The following MTUS1 variants were observed in gnomAD, a reference collection of about 807,000 sequenced individuals.
MTUS1 encodes microtubule-associated tumor suppressor 1.
In MTUS1, 109 loss-of-function variants were observed where a neutral mutation model predicts 120.8. The ratio of observed to expected loss-of-function variants is 0.90; its 90% CI spans 0.77 to 1.06. The LOEUF is 1.06. MTUS1 is among the 50% of genes least tolerant of loss of function. MTUS1 has a pLI of 0.00. For missense variants in MTUS1, 2,210 were observed against 1,486.3 expected, an observed-to-expected ratio of 1.49 and a Z score of -8.01; for synonymous variants, 737 against 550.5, an observed-to-expected ratio of 1.34 and a Z score of -4.74.
chr8:17,656,143 G>C, intron 8 of MTUS1, 78 bp from the exon 9 acceptor site: 1 of 1,294,876 alleles, frequency 7.7e-7, no homozygotes. Flanking sequence ...GTCACACACA[G>C]CTGTGATGAC....
At chr8:17,725,841 C>A (rs897702914) in intron 3 of MTUS1, among the ~76,000 whole-genome samples, 1 of 152,186 alleles carries the variant, frequency 6.6e-6, no homozygotes, top group Admixed American at 6.5e-5. Context: ...CAAGACAATT[C>A]TTCTTCTTCC....
chr8:17,715,030 T>G (rs1321724468), intron 5 of MTUS1, among the ~76,000 whole-genome samples: 2 of 147,884 alleles, frequency 1.4e-5, no homozygotes, highest in African/African-American at 5.0e-5. Flanking sequence ...CTCAGCCTCA[T>G]GAGTAGCTGG....
intron 2 of MTUS1, among the ~76,000 whole-genome samples, chr8:17,752,881 C>T (rs1262847456): frequency 6.6e-6 from 1 of 152,172 alleles, no homozygotes; most frequent in Non-Finnish European, 1.5e-5. Context: ...GCCCAACGAC[C>T]AACAGTGGCC....
At chr8:17,774,432 C>G (rs115973965) in intron 1 of MTUS1, among the ~76,000 whole-genome samples, 64 of 152,308 alleles carry the variant, frequency 4.2e-4, no homozygotes, top group African/African-American at 1.5e-3. Context: ...AGTAAGTTTA[C>G]CCCTTTCTAA....
chr8:17,742,576 G>T (rs1317024072), intron 3 of MTUS1, among the ~76,000 whole-genome samples: 2 of 152,102 alleles, frequency 1.3e-5, no homozygotes, highest in African/African-American at 4.8e-5. Context: ...ATCCTCTGGG[G>T]ATGGAGCCAT....
intron 7 of MTUS1, among the ~76,000 whole-genome samples, chr8:17,679,501 TTATTTATTTATTTA>T (rs1813864957): frequency 4.2e-5 from 4 of 96,336 alleles, no homozygotes; most frequent in Admixed American, 3.2e-4. Flanking sequence ...ATTTATTTAT[TTATTTATTTATTTA>T]TTTTTTGAGA....
At chr8:17,788,084 G>C (rs185648930) in intron 1 of MTUS1, among the ~76,000 whole-genome samples, 18 of 152,074 alleles carry the variant, frequency 1.2e-4, no homozygotes, top group Admixed American at 9.8e-4. Flanking sequence ...TCGTGCCCTT[G>C]CACTCCAGCC....
intron 8 of MTUS1, among the ~76,000 whole-genome samples, chr8:17,668,744 G>A (rs1188874069): frequency 6.6e-6 from 1 of 152,056 alleles, no homozygotes; most frequent in Non-Finnish European, 1.5e-5. Flanking sequence ...TGAATCACAG[G>A]GGCTTGTTGT....
At chr8:17,790,513 A>G (rs532479197) in intron 1 of MTUS1, among the ~76,000 whole-genome samples, 49 of 152,348 alleles carry the variant, frequency 3.2e-4, no homozygotes, top group African/African-American at 1.2e-3. Flanking sequence ...TGAAAGCTAT[A>G]AAGTCCTATG....
At chr8:17,649,742 C>CT (rs1185360278) in intron 13 of MTUS1, 104 bp downstream of exon 13, 20 of 691,808 alleles carry the variant, frequency 2.9e-5, no homozygotes, top group Non-Finnish European at 4.9e-5. Flanking sequence ...TTCTAAATAT[C>CT]TTTAGGAGCA....
rs1807381167 is a variant in MTUS1 at position 17,653,095 on chromosome 8, GTTAT to G, written c.3384+87_3384+90del. On this transcript the variant is annotated intron_variant, in intron 12 of 14. Coordinates refer to ENST00000693296, the MANE Select transcript of MTUS1 (RefSeq NM_001363059.2). ...GACATGAGAAGGATTCCCAACCTGT[GTTAT>G]TTCTCTGGCTGCTGAGTACTTGAAT... 8 of 722,090 alleles carry G rather than the reference GTTAT, an allele frequency of 1.1e-5. 1 individual carries two copies. The Admixed American group carries it at 2.8e-4, about 25-fold the overall frequency. The allele number at this position is 722,090 out of a possible 1,614,324, so 44.7% of individuals were successfully genotyped here. A position where few individuals can be genotyped will look rare whatever the true frequency, so the allele number is the denominator to read the frequency against.
intron 1 of MTUS1, among the ~76,000 whole-genome samples, chr8:17,800,149 T>C (rs1156263528): frequency 6.6e-6 from 1 of 152,160 alleles, no homozygotes; most frequent in African/African-American, 2.4e-5. Flanking sequence ...GGTCACTGGT[T>C]CCCAGGAAGC....
Position 17,656,065 on chromosome 8 carries a change from A to T in MTUS1, c.2906T>A (p.Val969Asp), listed in dbSNP as rs916477647. 5.0e-6 allele frequency: 8 copies of T among 1,614,098 alleles called. No homozygotes were observed. In the Admixed American group the frequency reaches 6.7e-5, roughly 13 times the overall value. ...TTTCTCACAGGTGGTTGAAGCAGTG[A>T]CTGAAAACAGAGGAGAAAGAAGAGG... ...QELVNLRGEL[V>D]TASTTCEKLE... is the part of the protein sequence containing the mutation. The change falls in exon 9 of 15, where the codon GTC (valine) becomes GAC (aspartate). Residue 969 changes from valine to aspartate, a missense_variant and splice_region_variant. Val to Asp is a radical substitution (Grantham distance 152). Coordinates refer to ENST00000693296, the MANE Select transcript of MTUS1 (RefSeq NM_001363059.2).
chr8:17,681,202 G>A (rs1174038003), intron 7 of MTUS1, among the ~76,000 whole-genome samples: 1 of 152,180 alleles, frequency 6.6e-6, no homozygotes, highest in Non-Finnish European at 1.5e-5. Flanking sequence ...CCCAAGTGCT[G>A]GGATTACAGG....
intron 12 of MTUS1, 51 bp downstream of exon 12, chr8:17,653,134 AG>A (rs556998358): frequency 3.1e-4 from 321 of 1,049,676 alleles, no homozygotes; most frequent in Admixed American, 7.8e-4. Context: ...TGACTCTAAA[AG>A]GCAACTGAGA....
At chr8:17,709,711 A>T (rs546366166) in intron 6 of MTUS1, among the ~76,000 whole-genome samples, 1 of 152,084 alleles carries the variant, frequency 6.6e-6, no homozygotes, top group Non-Finnish European at 1.5e-5. Context: ...TGTCTAAAAA[A>T]ATATATACCT....
chr8:17,791,442 G>T (rs2051773677), intron 1 of MTUS1, among the ~76,000 whole-genome samples: 1 of 152,056 alleles, frequency 6.6e-6, no homozygotes, highest in South Asian at 2.1e-4. Flanking sequence ...ATCAGAACAG[G>T]GAACCTTAGT....
Position 17,653,246 on chromosome 8 carries a change from A to G in MTUS1, c.3324T>C (p.Ala1108=), listed in dbSNP as rs748320613. The part of the protein sequence containing the change: ...QINDLKSEND[A]LNEKLKSEEQ... ...CTTCTGATTTCAATTTTTCATTTAAAGCATCATTTTCACTCTTCAGATCAT... is the reference window on the plus strand; with the variant it reads ...CTTCTGATTTCAATTTTTCATTTAAGGCATCATTTTCACTCTTCAGATCAT... The change falls in exon 12 of 15, where the codon GCT becomes GCC. Residue 1108 remains alanine, a synonymous_variant. Transcript: ENST00000693296. The G allele has an allele frequency of 6.4e-6, 10 of 1,559,672 alleles. No homozygotes were observed. In the South Asian group the frequency reaches 1.1e-4, roughly 17 times the overall value.
intron 1 of MTUS1, among the ~76,000 whole-genome samples, chr8:17,794,242 C>T (rs1319913879): frequency 2.6e-5 from 4 of 151,992 alleles, no homozygotes; most frequent in Admixed American, 2.0e-4. Flanking sequence ...GCAGGAGAAT[C>T]GCTTGAACCC....
Sources: gnomAD v4.1 joint callset for allele counts (sites outside exome capture counted in the v4.1 genomes callset) on GRCh38, gnomAD v4.1.1 for gene constraint, MANE v1.5 for transcripts, NCBI Gene and HGNC (gene_info 2026-07-23, HGNC 2026-07-21) for gene names.